CCDC6: variants seen among roughly 807,000 people sequenced by gnomAD.
CCDC6 encodes the protein coiled-coil domain-containing protein 6.
In CCDC6, 20 loss-of-function variants were observed where a neutral mutation model predicts 56.6. The observed-to-expected ratio is 0.35, with a 90% confidence interval of 0.25 to 0.51. The LOEUF is 0.51. CCDC6 is among the 20% of genes least tolerant of loss of function. The pLI is 0.95. For missense variants in CCDC6, 367 were observed against 601.1 expected (o/e 0.61, Z 4.07); for synonymous variants, 241 against 234.4 (o/e 1.03, Z -0.26).
rs2070483283 is a variant in CCDC6, at chr10:59,793,088, G to A, written c.1254C>T (p.Asn418=). 6.2e-7 allele frequency: 1 copy of A among 1,614,178 alleles called. No individual in the cohort carries two copies. The highest frequency in any genetic ancestry group is 1.7e-4 in the Middle Eastern group (1 of 6,056). Reference sequence around the variant, plus strand: ...TGGGCCGTTTGAATTTGTCAGGACTGTTGCTTCTCCGTGGTGAAGGCCTCT... The same window carrying A: ...TGGGCCGTTTGAATTTGTCAGGACTATTGCTTCTCCGTGGTGAAGGCCTCT... ...GITRPSPRRS[N]SPDKFKRPTP... The change falls in exon 9 of 9, where the codon AAC becomes AAT. Residue 418 remains asparagine (N), a synonymous_variant. Transcript: ENST00000263102.
At chr10:59,872,752 T>C (rs775139023) in intron 1 of CCDC6, among the ~76,000 whole-genome samples, 7 of 130,650 alleles carry the variant, frequency 5.4e-5, no homozygotes, top group Admixed American at 8.2e-5. Context: ...TGGGGCTGCA[T>C]CCAGTCAAAG....
chr10:59,832,194 T>C (rs1165669284), intron 3 of CCDC6, among the ~76,000 whole-genome samples: 1 of 152,254 alleles, frequency 6.6e-6, no homozygotes, highest in Non-Finnish European at 1.5e-5. Context: ...CAACATTGTC[T>C]TAGGAACTTT....
intron 1 of CCDC6, among the ~76,000 whole-genome samples, chr10:59,883,028 A>AG (rs2071357171): frequency 1.2e-5 from 1 of 83,590 alleles, no homozygotes; most frequent in Admixed American, 1.2e-4. Flanking sequence ...ACTTTAACTG[A>AG]AAAAAAAAGG....
At chr10:59,906,040 TGGG>T in intron 1 of CCDC6, 79 bp downstream of exon 1, 1 of 1,217,870 alleles carries the variant, frequency 8.2e-7, no homozygotes, top group Non-Finnish European at 1.1e-6. Flanking sequence ...GGGGAAGACT[TGGG>T]GGGTGGCTGG....
At chr10:59,891,233 T>TA (rs1250433989) in intron 1 of CCDC6, among the ~76,000 whole-genome samples, 5 of 152,216 alleles carry the variant, frequency 3.3e-5, no homozygotes, top group Non-Finnish European at 5.9e-5. Flanking sequence ...CTGGTAATCC[T>TA]ACTTGGTTTC....
intron 1 of CCDC6, among the ~76,000 whole-genome samples, chr10:59,890,647 G>A (rs570030050): frequency 2.0e-5 from 3 of 152,272 alleles, no homozygotes; most frequent in Non-Finnish European, 4.4e-5. Context: ...ATGGCTTAGA[G>A]GTTAGCTAAA....
At chr10:59,905,839 A>AG (rs1487104536) in intron 1 of CCDC6, among the ~76,000 whole-genome samples, 1 of 152,076 alleles carries the variant, frequency 6.6e-6, no homozygotes, top group Non-Finnish European at 1.5e-5. Context: ...CCAGCCCCGG[A>AG]GGGGCCTCCT....
At chr10:59,818,495 C>CGGG (rs10605676) in intron 3 of CCDC6, among the ~76,000 whole-genome samples, 1,834 of 82,662 alleles carry the variant, frequency 0.022, 59 homozygotes, top group African/African-American at 0.04. Flanking sequence ...ATAATGTTGA[C>CGGG]GGGGGGGGGG....
At chr10:59,852,742 A>ATG in intron 1 of CCDC6, 40 bp from the exon 2 acceptor site, 1 of 1,450,778 alleles carries the variant, frequency 6.9e-7, no homozygotes, top group Non-Finnish European at 9.1e-7. Flanking sequence ...AACAAAACAC[A>ATG]TGTTAAGGAA....
intron 2 of CCDC6, among the ~76,000 whole-genome samples, chr10:59,847,922 C>T (rs1426963864): frequency 2.0e-5 from 3 of 150,710 alleles, no homozygotes; most frequent in Non-Finnish European, 4.4e-5. Flanking sequence ...GAGTTGATTC[C>T]CCCACTGGGG....
At chr10:59,879,874 A>C (rs2071318298) in intron 1 of CCDC6, among the ~76,000 whole-genome samples, 1 of 152,308 alleles carries the variant, frequency 6.6e-6, no homozygotes, top group East Asian at 1.9e-4. Context: ...AAGCTTGTTC[A>C]ATATGTGCCT....
At chr10:59,889,995 T>C (rs181454238) in intron 1 of CCDC6, among the ~76,000 whole-genome samples, 1 of 152,290 alleles carries the variant, frequency 6.6e-6, no homozygotes, top group East Asian at 1.9e-4. Flanking sequence ...TGGTTTGTTT[T>C]CACAACTCTA....
intron 6 of CCDC6, chr10:59,806,545 GCTGCACT>G (rs1164318847): frequency 3.1e-5 from 5 of 159,230 alleles, no homozygotes; most frequent in African/African-American, 1.2e-4. Flanking sequence ...TTTTCCTCGA[GCTGCACT>G]ATAGCTTGCT....
chr10:59,870,498 T>C (rs891878307), intron 1 of CCDC6, among the ~76,000 whole-genome samples: 9 of 152,126 alleles, frequency 5.9e-5, no homozygotes, highest in African/African-American at 1.4e-4. Context: ...TGTTGGATCA[T>C]GAATAGAGCT....
At chr10:59,823,624 A>G (rs567160777) in intron 3 of CCDC6, among the ~76,000 whole-genome samples, 1 of 152,322 alleles carries the variant, frequency 6.6e-6, no homozygotes, top group Non-Finnish European at 1.5e-5. Context: ...CTCTTGCCCT[A>G]ATGTGATTTA....
intron 3 of CCDC6, among the ~76,000 whole-genome samples, chr10:59,831,177 T>C (rs1391478214): frequency 6.6e-6 from 1 of 152,166 alleles, no homozygotes; most frequent in East Asian, 1.9e-4. Context: ...CTGGTTAACT[T>C]AGACACTGAA....
At chr10:59,836,566 ATAT>A (rs1277361934) in intron 2 of CCDC6, among the ~76,000 whole-genome samples, 1 of 152,264 alleles carries the variant, frequency 6.6e-6, no homozygotes, top group African/African-American at 2.4e-5. Context: ...ATAATCAAGC[ATAT>A]TAATTAATAT....
chr10:59,855,512 G>C lies in CCDC6; in HGVS notation c.304-2810C>G, dbSNP rs191381898. Among the ~76,000 whole-genome samples, 486 of 152,338 alleles carry C rather than the reference G, an allele frequency of 3.2e-3. 4 individuals are homozygous for C. The highest frequency in any genetic ancestry group is 5.0e-3 in the Non-Finnish European group (343 of 68,032). On this transcript the variant is annotated intron_variant, in intron 1 of 8. Coordinates refer to ENST00000263102, the MANE Select transcript of CCDC6 (RefSeq NM_005436.5). ...ACCCAGGAGGCGGAGATTGCAGTGA[G>C]CCAAGATCGTGCCACTGCACTCCAG... is the stretch of plus-strand genomic sequence containing the variant.
At chr10:59,798,256 T>C (rs986843980) in intron 7 of CCDC6, among the ~76,000 whole-genome samples, 1 of 152,238 alleles carries the variant, frequency 6.6e-6, no homozygotes, top group African/African-American at 2.4e-5. Flanking sequence ...CCAAGCAATG[T>C]GAACTCCACT....
Sources: gnomAD v4.1 joint callset for allele counts (sites outside exome capture counted in the v4.1 genomes callset) on GRCh38, gnomAD v4.1.1 for gene constraint, MANE v1.5 for transcripts, NCBI Gene and HGNC (gene_info 2026-07-23, HGNC 2026-07-21) for gene names.